The following TRPV4 variants were observed in gnomAD, a reference collection of about 807,000 sequenced individuals.
TRPV4 encodes the protein transient receptor potential cation channel subfamily V member 4, also known as OSM9-like transient receptor potential channel 4.
TRPV4 carries 58 observed loss-of-function variants against 84.1 expected under a neutral mutation model. The ratio of observed to expected loss-of-function variants is 0.69; its 90% CI spans 0.56 to 0.86. TRPV4 has a LOEUF of 0.86. Among genes scored for constraint, TRPV4 ranks in the 40% least tolerant of loss-of-function variants. The probability of loss-of-function intolerance (pLI) is 0.00; values close to 1 mark genes in which losing one functional copy is unlikely to be tolerated. For missense variants in TRPV4, 879 were observed against 1,181.1 expected (o/e 0.74, Z 3.75); for synonymous variants, 489 against 500.9 (o/e 0.98, Z 0.32).
chr12:109,821,938 T>G (rs756527172), intron 1 of TRPV4, among the ~76,000 whole-genome samples: 13 of 152,324 alleles, frequency 8.5e-5, no homozygotes, highest in Middle Eastern at 3.4e-3. Context: ...AGCATGGTGC[T>G]GAAGCAAAAT....
intron 12 of TRPV4, 114 bp from the exon 13 acceptor site, chr12:109,788,830 T>C: frequency 8.2e-7 from 1 of 1,220,366 alleles, no homozygotes; most frequent in Non-Finnish European, 1.2e-6. Context: ...CGGAGCACGC[T>C]GGCCCACACG....
At chr12:109,790,302 T>C (rs1264793486) in intron 12 of TRPV4, among the ~76,000 whole-genome samples, 1 of 152,196 alleles carries the variant, frequency 6.6e-6, no homozygotes, top group African/African-American at 2.4e-5. Flanking sequence ...GAGTTGGCCA[T>C]TCCCCTTTGG....
At chr12:109,797,671 T>C (rs1890492701) in intron 6 of TRPV4, among the ~76,000 whole-genome samples, 2 of 152,226 alleles carry the variant, frequency 1.3e-5, no homozygotes, top group South Asian at 4.1e-4. Flanking sequence ...CATGGTATAA[T>C]TGCAATTTTA....
intron 12 of TRPV4, among the ~76,000 whole-genome samples, chr12:109,789,958 C>T (rs565398971): frequency 1.4e-4 from 22 of 152,310 alleles, no homozygotes; most frequent in African/African-American, 4.6e-4. Context: ...AAGGAGAAGA[C>T]CTGCAACCAA....
chr12:109,808,236 T>A, intron 3 of TRPV4, 60 bp downstream of exon 3: 2 of 1,597,654 alleles, frequency 1.3e-6, no homozygotes, highest in Non-Finnish European at 1.7e-6. Context: ...GGGCCCCCAA[T>A]GCCAGGCTTC....
chr12:109,800,544 C>T (rs1025699448), intron 5 of TRPV4, 74 bp downstream of exon 5: 1 of 1,585,106 alleles, frequency 6.3e-7, no homozygotes, highest in African/African-American at 1.3e-5. Context: ...GGGCTGCAGA[C>T]ACCAACCAGT....
In TRPV4 at chr12:109,786,963, C is replaced by T. The variant is rs771081120; in HGVS notation, c.2209-126G>A. On this transcript the variant is annotated intron_variant, in intron 13 of 15. Coordinates refer to ENST00000261740, the MANE Select transcript of TRPV4 (RefSeq NM_021625.5). The surrounding 1 kb of genome is among the most constrained non-coding windows in gnomAD (Gnocchi z 4.5). ...ACTAGGCATTTAGACTCCTACTCCC[C>T]ACTAGACACAGGGTTTATAAACTCA... 3.0e-6 allele frequency: 4 copies of T among 1,316,938 alleles called. No homozygotes were observed. Among genetic ancestry groups the T allele is most frequent in the Non-Finnish European group, 4.2e-6 (4 of 941,876 alleles). 81.6% of individuals were successfully genotyped at this position (1,316,938 alleles called of 1,614,324 possible). A position where few individuals can be genotyped will look rare whatever the true frequency, so the allele number is the denominator to read the frequency against.
intron 2 of TRPV4, among the ~76,000 whole-genome samples, chr12:109,812,414 A>C (rs1891575729): frequency 6.6e-6 from 1 of 152,238 alleles, no homozygotes; most frequent in Admixed American, 6.5e-5. Flanking sequence ...AGCCTCAGGA[A>C]AGCCACTGGA....
Position 109,822,854 on chromosome 12 carries a change from G to A in TRPV4, c.-31-8027C>T, listed in dbSNP as rs542705589. Among the ~76,000 whole-genome samples the A allele has an allele frequency of 7.2e-5, 11 of 152,310 alleles. No homozygotes were observed. In the East Asian group the frequency reaches 1.9e-3, roughly 27 times the overall value. ...ATGCAAAACACTGAGCCCAGTGCCT[G>A]GTACAGAGCATGCATTCAGTCAAGC... On this transcript the variant is annotated intron_variant, in intron 1 of 15. Coordinates refer to ENST00000261740, the MANE Select transcript of TRPV4 (RefSeq NM_021625.5).
At chr12:109,827,523 C>T (rs1344944768) in intron 1 of TRPV4, among the ~76,000 whole-genome samples, 2 of 151,910 alleles carry the variant, frequency 1.3e-5, no homozygotes, top group Non-Finnish European at 2.9e-5. Flanking sequence ...GGGGTCTCAG[C>T]CCAAAGCCCA....
Position 109,786,946 on chromosome 12 carries a change from T to G in TRPV4, c.2209-109A>C. 6.8e-7 allele frequency: 1 copy of G among 1,466,030 alleles called. No homozygotes were observed. Among genetic ancestry groups the G allele is most frequent in the Non-Finnish European group, 9.4e-7 (1 of 1,063,648 alleles). The allele number at this position is 1,466,030 out of a possible 1,614,324, so 90.8% of individuals were successfully genotyped here. A position where few individuals can be genotyped will look rare whatever the true frequency, so the allele number is the denominator to read the frequency against. On this transcript the variant is annotated intron_variant, in intron 13 of 15. Transcript: ENST00000261740. This position sits in a 1 kb window ranked among gnomAD's most constrained non-coding sequence, Gnocchi z 4.5. Reference sequence around the variant, plus strand: ...GCCAGGGTGGGCCCAGAACTAGGCATTTAGACTCCTACTCCCCACTAGACA... The same window carrying G: ...GCCAGGGTGGGCCCAGAACTAGGCAGTTAGACTCCTACTCCCCACTAGACA...
Position 109,793,621 on chromosome 12 carries a change from C to G in TRPV4, c.1585-21G>C. The G allele has an allele frequency of 6.2e-7, 1 of 1,606,354 alleles. No individual in the cohort carries two copies. Among genetic ancestry groups the G allele is most frequent in the South Asian group, 1.1e-5 (1 of 90,886 alleles). Reference sequence around the variant, plus strand: ...TTGATCTGGAAGACAGGAGGGGGCACGTGAAAGGGGTGGGGCCAGCAGGAG... The same window carrying G: ...TTGATCTGGAAGACAGGAGGGGGCAGGTGAAAGGGGTGGGGCCAGCAGGAG... On this transcript the variant is annotated intron_variant, in intron 9 of 15. Coordinates refer to ENST00000261740, the MANE Select transcript of TRPV4 (RefSeq NM_021625.5). The surrounding 1 kb of genome is among the most constrained non-coding windows in gnomAD (Gnocchi z 4.0).
Position 109,783,927 on chromosome 12 carries a change from CAA to C in TRPV4, c.2459-151_2459-150del. The C allele has an allele frequency of 1.0e-6, 1 of 988,632 alleles. No individual in the cohort carries two copies. The highest frequency in any genetic ancestry group is 2.4e-4 in the Middle Eastern group (1 of 4,136). The allele number at this position is 988,632 out of a possible 1,614,324, so 61.2% of individuals were successfully genotyped here. On this transcript the variant is annotated intron_variant, in intron 15 of 15. Transcript: ENST00000261740. This position sits in a 1 kb window ranked among gnomAD's most constrained non-coding sequence, Gnocchi z 4.6. ...TTTTACAGAGGTGGAAACTGGGGCT[CAA>C]GAGAGGTCAAGGTGCCTCCCCAGGA...
rs757630049 is a variant in TRPV4, at chr12:109,793,551, A to G, written c.1634T>C (p.Ile545Thr). 8 of 1,614,102 alleles carry G rather than the reference A, an allele frequency of 5.0e-6. No individual in the cohort carries two copies. The highest frequency in any genetic ancestry group is 1.1e-5 in the South Asian group (1 of 91,084). ...KKCPGVNSLF[I>T]DGSFQLLYFI... ...CTAGAGCAGCTGGAAGGAGCCATCA[A>G]TGAAGAGAGAATTCACTCCAGGGCA... Residue 545 changes from isoleucine (I) to threonine (T), a missense_variant, in exon 10 of 16, where the codon ATT becomes ACT. Physicochemically the swap from Ile to Thr is moderately conservative, Grantham distance 89. Around this residue, in one of 4 missense-constraint regions of TRPV4, gnomAD observed 521 missense variants for 686.6 expected, o/e 0.76. Transcript: ENST00000261740. The surrounding 1 kb of genome is among the most constrained non-coding windows in gnomAD (Gnocchi z 4.0).
In TRPV4 at chr12:109,783,798, G is replaced by T; in HGVS notation, c.2459-20C>A. 1 of 1,609,882 alleles carries T rather than the reference G, an allele frequency of 6.2e-7. No individual in the cohort carries two copies. On this transcript the variant is annotated intron_variant, in intron 15 of 15. Transcript: ENST00000261740. The surrounding 1 kb of genome is among the most constrained non-coding windows in gnomAD (Gnocchi z 4.6). ...AGCGATCTGCACCGAGAGCACATCA[G>T]AGGGAGGGGTGGGGGTTGGTGGAGA... is the stretch of plus-strand genomic sequence containing the variant.
chr12:109,831,013 A>T (rs1357283011), intron 1 of TRPV4, among the ~76,000 whole-genome samples: 1 of 151,162 alleles, frequency 6.6e-6, no homozygotes, highest in African/African-American at 2.4e-5. Flanking sequence ...AATCTTTCCC[A>T]CTCTGCAGCC....
At chr12:109,802,828 A>T (rs1890882438) in intron 4 of TRPV4, among the ~76,000 whole-genome samples, 163 bp downstream of exon 4, 1 of 148,732 alleles carries the variant, frequency 6.7e-6, no homozygotes, top group Non-Finnish European at 1.5e-5. Flanking sequence ...CCATCTATCC[A>T]TGCATCCATG....
At chr12:109,818,118 A>G (rs1891940215) in intron 1 of TRPV4, among the ~76,000 whole-genome samples, 1 of 151,436 alleles carries the variant, frequency 6.6e-6, no homozygotes, top group Non-Finnish European at 1.5e-5. Context: ...CTGGCTGCAG[A>G]GCCCAGATTG....
chr12:109,812,143 C>A (rs1592859534), intron 2 of TRPV4, among the ~76,000 whole-genome samples: 2 of 152,260 alleles, frequency 1.3e-5, no homozygotes, highest in Middle Eastern at 3.4e-3. Context: ...GGAAACAGAA[C>A]CCGGGATGTC....
Sources: allele counts gnomAD v4.1 joint callset (sites outside exome capture counted in the v4.1 genomes callset), GRCh38; gene constraint gnomAD v4.1.1; regional missense constraint gnomAD v4.1.1; non-coding constraint Gnocchi (gnomAD v3.1); transcripts MANE v1.5; gene names NCBI Gene and HGNC (gene_info 2026-07-23, HGNC 2026-07-21).